AKAP19: variants seen among roughly 807,000 people sequenced by gnomAD.
AKAP19 encodes A-kinase anchoring protein 19.
the AKAP19 span, among the ~76,000 whole-genome samples, chr2:190,086,412 C>G: frequency 6.6e-6 from 1 of 152,192 alleles, no homozygotes; most frequent in East Asian, 1.9e-4. Context: ...ATTCTCACTA[C>G]TTATCACTTC....
At chr2:190,062,217 T>G in the AKAP19 span, 1 of 1,612,726 alleles carries the variant, frequency 6.2e-7, no homozygotes, top group Non-Finnish European at 8.5e-7. Flanking sequence ...CTAATAGGAC[T>G]ACTTACACTC....
the AKAP19 span, among the ~76,000 whole-genome samples, chr2:190,026,564 A>C: frequency 1.3e-5 from 2 of 152,230 alleles, no homozygotes. Flanking sequence ...GGAAATCAGC[A>C]CTTCTGCTTT....
chr2:190,185,660 T>C, the AKAP19 span, among the ~76,000 whole-genome samples: 71 of 152,318 alleles, frequency 4.7e-4, no homozygotes, highest in South Asian at 5.8e-3. Context: ...GTGGTTTTTT[T>C]CCTCTACCTG....
the AKAP19 span, among the ~76,000 whole-genome samples, chr2:190,153,869 T>C: frequency 6.6e-6 from 1 of 152,194 alleles, no homozygotes; most frequent in Non-Finnish European, 1.5e-5. Flanking sequence ...CTATAAGGCT[T>C]TAGTATCATC....
the AKAP19 span, among the ~76,000 whole-genome samples, chr2:190,005,442 A>G: frequency 1.3e-5 from 2 of 152,324 alleles, no homozygotes; most frequent in African/African-American, 4.8e-5. Flanking sequence ...CTCTAGCTAG[A>G]CAGAAAAGTT....
chr2:190,065,392 G>A, the AKAP19 span, among the ~76,000 whole-genome samples: 360 of 152,182 alleles, frequency 2.4e-3, 3 homozygotes, highest in African/African-American at 8.2e-3. Flanking sequence ...ACACAACAGT[G>A]TGAATGTGCT....
At chr2:190,190,594 G>A in the AKAP19 span, among the ~76,000 whole-genome samples, 1 of 120,532 alleles carries the variant, frequency 8.3e-6, no homozygotes, top group Admixed American at 1.0e-4. Flanking sequence ...GGTTCACAGG[G>A]TAAGTGTGTG....
At chr2:189,989,119 G>T in the AKAP19 span, among the ~76,000 whole-genome samples, 1 of 152,172 alleles carries the variant, frequency 6.6e-6, no homozygotes, top group Admixed American at 6.5e-5. Context: ...ATCTTTGTTA[G>T]AGTAGTTTAG....
At chr2:189,889,102 A>G in the AKAP19 span, among the ~76,000 whole-genome samples, 3 of 152,082 alleles carry the variant, frequency 2.0e-5, no homozygotes, top group Non-Finnish European at 4.4e-5. Context: ...ATTTTGAGAT[A>G]TGTTCTATCA....
the AKAP19 span, among the ~76,000 whole-genome samples, chr2:190,185,417 T>C: frequency 6.6e-6 from 1 of 152,214 alleles, no homozygotes. Context: ...GGGGCTTATC[T>C]ACCAACTTAA....
At chr2:189,988,240 G>T in the AKAP19 span, among the ~76,000 whole-genome samples, 1 of 152,150 alleles carries the variant, frequency 6.6e-6, no homozygotes, top group Non-Finnish European at 1.5e-5. Flanking sequence ...AAGCCAAGAA[G>T]TCAGGAAAAA....
chr2:190,119,071 A>G, the AKAP19 span, among the ~76,000 whole-genome samples: 1 of 152,240 alleles, frequency 6.6e-6, no homozygotes, highest in Admixed American at 6.5e-5. Context: ...TTATACAGCA[A>G]TAACAGACAA....
the AKAP19 span, chr2:190,060,058 T>C: frequency 6.2e-7 from 1 of 1,611,462 alleles, no homozygotes; most frequent in Non-Finnish European, 8.5e-7. Flanking sequence ...CAGTTATCAC[T>C]TACCAGCCCA....
the AKAP19 span, among the ~76,000 whole-genome samples, chr2:189,923,099 C>T: frequency 1.3e-5 from 2 of 152,142 alleles, no homozygotes; most frequent in Non-Finnish European, 2.9e-5. Flanking sequence ...TGCAGTGAGC[C>T]AAGATCGCAC....
chr2:189,975,740 C>G, the AKAP19 span, among the ~76,000 whole-genome samples: 21 of 152,274 alleles, frequency 1.4e-4, no homozygotes, highest in South Asian at 3.9e-3. Flanking sequence ...ATTTGATCTT[C>G]AGTCACTGAT....
At chr2:190,178,177 C>G in the AKAP19 span, among the ~76,000 whole-genome samples, 3 of 152,204 alleles carry the variant, frequency 2.0e-5, no homozygotes, top group Non-Finnish European at 2.9e-5. This position sits in a 1 kb window ranked among gnomAD's most constrained non-coding sequence, Gnocchi z 6.3. Flanking sequence ...ATGCTATGCC[C>G]TGACTCCCAG....
the AKAP19 span, among the ~76,000 whole-genome samples, chr2:190,013,789 A>G: frequency 6.6e-6 from 1 of 152,096 alleles, no homozygotes; most frequent in Non-Finnish European, 1.5e-5. Context: ...AAGTGCTGAG[A>G]TTACTGGTGT....
At chr2:189,941,567 A>T in the AKAP19 span, among the ~76,000 whole-genome samples, 1 of 152,218 alleles carries the variant, frequency 6.6e-6, no homozygotes, top group Non-Finnish European at 1.5e-5. Context: ...TATAAAATAA[A>T]ATAACTTTGA....
the AKAP19 span, among the ~76,000 whole-genome samples, chr2:190,124,193 CT>C: frequency 1.3e-5 from 2 of 152,220 alleles, no homozygotes; most frequent in Admixed American, 1.3e-4. Flanking sequence ...GCCAATTCCC[CT>C]GATAAGTCCC....
Sources: gnomAD v4.1 joint callset for allele counts (sites outside exome capture counted in the v4.1 genomes callset) on GRCh38, gnomAD v4.1.1 for gene constraint, Gnocchi (gnomAD v3.1) non-coding constraint, MANE v1.5 for transcripts, NCBI Gene and HGNC (gene_info 2026-07-23, HGNC 2026-07-21) for gene names.